GPC6: variants seen among roughly 807,000 people sequenced by gnomAD.
GPC6 encodes glypican 6.
In GPC6, 14 loss-of-function variants were observed where a neutral mutation model predicts 55.2. The observed-to-expected ratio is 0.25, with a 90% CI of 0.17 to 0.40. GPC6 has a LOEUF of 0.40. Among genes scored for constraint, GPC6 ranks in the 10% least tolerant of loss-of-function variants. The probability of loss-of-function intolerance (pLI) is 1.00; values close to 1 mark genes in which losing one functional copy is unlikely to be tolerated. For synonymous variants in GPC6, 278 were observed against 259.6 expected, an observed-to-expected ratio of 1.07 and a Z score of -0.68; for missense variants, 641 against 708.5, an observed-to-expected ratio of 0.90 and a Z score of 1.08.
chr13:94,000,470 TAGC>T (rs1346892678), intron 3 of GPC6, among the ~76,000 whole-genome samples: 1 of 152,196 alleles, frequency 6.6e-6, no homozygotes, highest in Non-Finnish European at 1.5e-5. Context: ...TTAGAACTCA[TAGC>T]AGGAATTTTT....
intron 3 of GPC6, among the ~76,000 whole-genome samples, chr13:93,883,348 A>C (rs995793249): frequency 1.3e-5 from 2 of 152,040 alleles, no homozygotes; most frequent in Non-Finnish European, 2.9e-5. Flanking sequence ...ATTAATTTGC[A>C]CTCTGCCAAC....
intron 2 of GPC6, among the ~76,000 whole-genome samples, chr13:93,813,387 CA>C (rs1180472541): frequency 3.3e-5 from 5 of 152,090 alleles, no homozygotes; most frequent in African/African-American, 1.2e-4. Flanking sequence ...CACTGTACTC[CA>C]GCCTGGGTGA....
At chr13:94,031,992 G>C (rs988014830) in intron 4 of GPC6, among the ~76,000 whole-genome samples, 7 of 152,170 alleles carry the variant, frequency 4.6e-5, no homozygotes, top group African/African-American at 1.7e-4. Context: ...GAGAACCAGA[G>C]AGAGATTTCT....
intron 1 of GPC6, among the ~76,000 whole-genome samples, chr13:93,417,808 A>G (rs1209073629): frequency 6.6e-6 from 1 of 152,074 alleles, no homozygotes; most frequent in Non-Finnish European, 1.5e-5. Context: ...ATGGATAAAA[A>G]TCTTCTATAT....
At position 93,885,913 on chromosome 13, in the gene GPC6, G is replaced by A. The variant is rs556292926; in HGVS notation, c.711+55368G>A. On this transcript the variant is annotated intron_variant, in intron 3 of 8. Coordinates refer to ENST00000377047, the MANE Select transcript of GPC6 (RefSeq NM_005708.5). Reference sequence around the variant, plus strand: ...CTTGAAGAGAGATGAGATTTATGCCGGTGATGCAGGTGGTTGGTATATTCA... The same window carrying A: ...CTTGAAGAGAGATGAGATTTATGCCAGTGATGCAGGTGGTTGGTATATTCA... Among the ~76,000 whole-genome samples the A allele has an allele frequency of 4.3e-4, 66 of 152,164 alleles. 2 individuals carry two copies. The South Asian group carries it at 0.013, about 29-fold the overall frequency.
chr13:93,903,270 G>A (rs1370639912), intron 3 of GPC6, among the ~76,000 whole-genome samples: 1 of 151,992 alleles, frequency 6.6e-6, no homozygotes, highest in Non-Finnish European at 1.5e-5. Flanking sequence ...CTTTTTCAAC[G>A]GCCTGAACAG....
intron 1 of GPC6, among the ~76,000 whole-genome samples, chr13:93,338,226 A>T (rs890578860): frequency 6.6e-6 from 1 of 152,188 alleles, no homozygotes; most frequent in Non-Finnish European, 1.5e-5. Flanking sequence ...GTAATTCACC[A>T]GCAGCTGATG....
chr13:93,799,819 A>G (rs984713374), intron 2 of GPC6, among the ~76,000 whole-genome samples: 2 of 152,224 alleles, frequency 1.3e-5, no homozygotes, highest in African/African-American at 2.4e-5. Context: ...TGCACTGGGC[A>G]CTGGGGCAGG....
chr13:94,360,652 C>T (rs1386147247), intron 6 of GPC6, among the ~76,000 whole-genome samples: 1 of 152,136 alleles, frequency 6.6e-6, no homozygotes, highest in East Asian at 1.9e-4. Context: ...AGGTCTAGAA[C>T]ATTAGCATGG....
chr13:93,776,229 G>A (rs1168880736), intron 2 of GPC6, among the ~76,000 whole-genome samples: 1 of 152,080 alleles, frequency 6.6e-6, no homozygotes, highest in Non-Finnish European at 1.5e-5. Context: ...TATGTTAATA[G>A]TGTTATTATA....
At chr13:93,794,198 AT>A (rs1014530622) in intron 2 of GPC6, among the ~76,000 whole-genome samples, 41 of 152,152 alleles carry the variant, frequency 2.7e-4, no homozygotes, top group East Asian at 9.6e-4. Context: ...GAGAAATAGC[AT>A]TTTTTTTAAA....
At chr13:94,384,358 A>G (rs1287427582) in intron 7 of GPC6, among the ~76,000 whole-genome samples, 1 of 152,224 alleles carries the variant, frequency 6.6e-6, no homozygotes, top group African/African-American at 2.4e-5. Context: ...CTGTACAGAA[A>G]GACACTGTGA....
intron 3 of GPC6, among the ~76,000 whole-genome samples, chr13:93,942,690 G>A (rs1055463600): frequency 6.6e-6 from 1 of 152,168 alleles, no homozygotes; most frequent in African/African-American, 2.4e-5. Flanking sequence ...TTCATTAGAA[G>A]CCAGTCCAGC....
At chr13:93,220,177 G>A in the GPC6 span, among the ~76,000 whole-genome samples, 1 of 152,110 alleles carries the variant, frequency 6.6e-6, no homozygotes, top group African/African-American at 2.4e-5. Context: ...TTTTAATAAA[G>A]AGTAAATGTT....
chr13:93,478,392 A>G (rs1434482411), intron 1 of GPC6, among the ~76,000 whole-genome samples: 2 of 152,206 alleles, frequency 1.3e-5, no homozygotes, highest in African/African-American at 4.8e-5. Context: ...TAGATTTCTC[A>G]GAATGTCTTC....
chr13:93,984,434 A>G (rs1487550281), intron 3 of GPC6, among the ~76,000 whole-genome samples: 1 of 152,226 alleles, frequency 6.6e-6, no homozygotes, highest in Non-Finnish European at 1.5e-5. Flanking sequence ...TGAAGATGGC[A>G]AAGTAAAATA....
chr13:93,221,237 G>A, the GPC6 span, among the ~76,000 whole-genome samples: 1 of 152,088 alleles, frequency 6.6e-6, no homozygotes, highest in Non-Finnish European at 1.5e-5. Context: ...AGTATTTTAG[G>A]TAACGATGAG....
chr13:93,945,238 G>T (rs1878948630), intron 3 of GPC6, among the ~76,000 whole-genome samples: 1 of 152,130 alleles, frequency 6.6e-6, no homozygotes, highest in Non-Finnish European at 1.5e-5. Flanking sequence ...ATAATATAAT[G>T]TAAAATACTC....
chr13:93,850,343 A>T (rs544829103), intron 3 of GPC6, among the ~76,000 whole-genome samples: 1 of 152,076 alleles, frequency 6.6e-6, no homozygotes, highest in Admixed American at 6.6e-5. Flanking sequence ...AGTAGAGGCC[A>T]ATGAGGGCTA....
Sources: allele counts gnomAD v4.1 joint callset (sites outside exome capture counted in the v4.1 genomes callset), GRCh38; gene constraint gnomAD v4.1.1; transcripts MANE v1.5; gene names NCBI Gene and HGNC (gene_info 2026-07-23, HGNC 2026-07-21).